The following COL6A5 variants were observed in gnomAD, a reference collection of about 807,000 sequenced individuals.
COL6A5 encodes the protein collagen type VI alpha 5 chain, also known as collagen alpha-5(VI) chain.
A neutral mutation model predicts 65.6 loss-of-function variants in COL6A5; 48 were observed. The observed-to-expected ratio is 0.73, with a 90% CI of 0.58 to 0.93. The LOEUF (loss-of-function observed/expected upper bound fraction) is 0.93, where lower values mean the gene tolerates loss of function less well. Ranked by LOEUF, COL6A5 falls within the 40% of genes least tolerant of loss-of-function variation. The pLI, the probability that COL6A5 is intolerant of heterozygous loss-of-function variation, is 0.00. For synonymous variants in COL6A5, 291 were observed against 322.8 expected (o/e 0.90, Z 1.05); for missense variants, 914 against 928.3 (o/e 0.98, Z 0.20).
intron 1 of COL6A5, among the ~76,000 whole-genome samples, chr3:130,348,094 A>G (rs1301986225): frequency 3.3e-5 from 5 of 152,178 alleles, no homozygotes; most frequent in African/African-American, 9.7e-5. Context: ...GCCATTCTCC[A>G]AGGAACCATT....
upstream of COL6A5, chr3:130,431,210 A>G: frequency 1.5e-6 from 1 of 681,914 alleles, no homozygotes; most frequent in Non-Finnish European, 2.7e-6. Context: ...CATTTTACAC[A>G]GCTGACTGAT....
At chr3:130,450,288 A>G (rs1709402480) in intron 4 of COL6A5, among the ~76,000 whole-genome samples, 2 of 152,048 alleles carry the variant, frequency 1.3e-5, no homozygotes, top group Non-Finnish European at 2.9e-5. Context: ...TCATACTTAG[A>G]GCGGCAAATA....
chr3:130,408,703 G>A (rs965659211), intron 17 of COL6A5, among the ~76,000 whole-genome samples: 6 of 151,988 alleles, frequency 3.9e-5, no homozygotes, highest in African/African-American at 1.5e-4. Flanking sequence ...GCCGACATGT[G>A]ATGTCACCCC....
At chr3:130,449,740 ATCTCCTTTGTTTAAAACGG>A (rs1709387229) in intron 4 of COL6A5, among the ~76,000 whole-genome samples, 1 of 152,138 alleles carries the variant, frequency 6.6e-6, no homozygotes. Context: ...CACGTGCCTT[ATCTCCTTTGTTTAAAACGG>A]TATTAGGTAG....
At chr3:130,369,389 C>CT (rs1935468724) in intron 1 of COL6A5, among the ~76,000 whole-genome samples, 1 of 152,178 alleles carries the variant, frequency 6.6e-6, no homozygotes, top group South Asian at 2.1e-4. Context: ...TACTTCCAAT[C>CT]TCATGGATTC....
chr3:130,380,547 T>C (rs1376830045), intron 4 of COL6A5, among the ~76,000 whole-genome samples: 1 of 152,186 alleles, frequency 6.6e-6, no homozygotes, highest in Non-Finnish European at 1.5e-5. Flanking sequence ...GTATCAGTGC[T>C]GTCCAACAGC....
intron 1 of COL6A5, 85 bp downstream of exon 1, chr3:130,346,066 C>G (rs977714492): frequency 2.5e-6 from 1 of 398,060 alleles, no homozygotes; most frequent in African/African-American, 2.1e-5. Flanking sequence ...GAAGGATTCT[C>G]CTTTCTGGTG....
rs923185497 is a variant in COL6A5, at chr3:130,393,076, T to TTG, written c.2992+1348_2992+1349dup. ...CTCTTCTGCTTACAGTGTTTTTTTT[T>TTG]TGTGTGTGTGTGTGTGTGTGTGTGT... On this transcript the variant is annotated intron_variant and NMD_transcript_variant, in intron 7 of 41. Coordinates refer to the COL6A5 transcript ENST00000312481. Among the ~76,000 whole-genome samples the TTG allele has an allele frequency of 1.5e-3, 142 of 92,274 alleles. 1 individual carries two copies. The highest frequency in any genetic ancestry group is 3.6e-3 in the African/African-American group (77 of 21,144). The allele number at this position is 92,274 out of a possible 152,430, so 60.5% of individuals were successfully genotyped here.
At chr3:130,390,007 A>G (rs764840796) in intron 6 of COL6A5, among the ~76,000 whole-genome samples, 22 of 152,196 alleles carry the variant, frequency 1.4e-4, no homozygotes, top group Non-Finnish European at 7.3e-5. Flanking sequence ...CAGAAACTTA[A>G]CATAATGTCT....
Position 130,362,314 on chromosome 3 carries a change from ATATATATATATATTTTTTT to A in COL6A5, c.-28-11295_-28-11277del, listed in dbSNP as rs1337275869. Among the ~76,000 whole-genome samples, 98 of 15,494 alleles carry A rather than the reference ATATATATATATATTTTTTT, an allele frequency of 6.3e-3. 3 individuals are homozygous for A. Among genetic ancestry groups the A allele is most frequent in the Middle Eastern group, 0.034 (2 of 58 alleles). The allele number at this position is 15,494 out of a possible 152,430, so 10.2% of individuals were successfully genotyped here. A position where few individuals can be genotyped will look rare whatever the true frequency, so the allele number is the denominator to read the frequency against. ...CATATATATATATATATATATATAT[ATATATATATATATTTTTTT>A]TTTTTTTTTTTTTTGCATGTGGATG... On this transcript the variant is annotated intron_variant and NMD_transcript_variant, in intron 1 of 41. Transcript: ENST00000312481.
intron 7 of COL6A5, among the ~76,000 whole-genome samples, chr3:130,480,435 A>G (rs1710208412): frequency 6.6e-6 from 1 of 152,138 alleles, no homozygotes; most frequent in Non-Finnish European, 1.5e-5. Flanking sequence ...TAAACTTATT[A>G]GAGTTAGAAT....
intron 1 of COL6A5, among the ~76,000 whole-genome samples, chr3:130,351,982 A>G (rs1254813279): frequency 6.6e-6 from 1 of 152,208 alleles, no homozygotes; most frequent in African/African-American, 2.4e-5. Context: ...CAGCCATAAA[A>G]AAGGATGAGT....
At chr3:130,358,873 G>A (rs1225387828) in intron 1 of COL6A5, among the ~76,000 whole-genome samples, 2 of 151,990 alleles carry the variant, frequency 1.3e-5, no homozygotes, top group Non-Finnish European at 2.9e-5. Flanking sequence ...GTGCAATGTT[G>A]TTTATTGCAA....
chr3:130,418,572 G>C (rs1937425168), intron 24 of COL6A5, among the ~76,000 whole-genome samples: 1 of 152,110 alleles, frequency 6.6e-6, no homozygotes, highest in Non-Finnish European at 1.5e-5. Context: ...TTGTTGGATA[G>C]GCAAATGCAT....
chr3:130,462,531 G>A (rs1709724902), intron 5 of COL6A5, among the ~76,000 whole-genome samples: 1 of 152,078 alleles, frequency 6.6e-6, no homozygotes, highest in Non-Finnish European at 1.5e-5. Flanking sequence ...GATATGCACA[G>A]CATGGTGCAA....
chr3:130,440,442 A>T (rs1201405490), exon 3 of COL6A5: 1 of 1,613,676 alleles, frequency 6.2e-7, no homozygotes, highest in Non-Finnish European at 8.5e-7. Context: ...TTCATCACTT[A>T]TGACAACCAA....
In COL6A5 at chr3:130,398,558, G is replaced by A. The variant is rs116311332; in HGVS notation, c.3991+447G>A. On this transcript the variant is annotated intron_variant and NMD_transcript_variant, in intron 10 of 41. Coordinates refer to the COL6A5 transcript ENST00000312481. ...GCTGTTGATACCTCATCTAATCCCC[G>A]TTGACCAGCCCTCACACTCCTCCCC... is the stretch of plus-strand genomic sequence containing the variant. Among the ~76,000 whole-genome samples the A allele has an allele frequency of 9.2e-3, 1,404 of 152,174 alleles. 20 individuals carry two copies. Among genetic ancestry groups the A allele is most frequent in the African/African-American group, 0.033 (1,349 of 41,494 alleles).
intron 4 of COL6A5, among the ~76,000 whole-genome samples, chr3:130,449,563 C>T (rs1709380921): frequency 6.6e-6 from 1 of 152,044 alleles, no homozygotes; most frequent in South Asian, 2.1e-4. Flanking sequence ...GATGTTTAAG[C>T]CAAGAGGAAG....
At chr3:130,443,235 A>G (rs973282958) in intron 3 of COL6A5, among the ~76,000 whole-genome samples, 1 of 152,148 alleles carries the variant, frequency 6.6e-6, no homozygotes, top group Non-Finnish European at 1.5e-5. Flanking sequence ...TAGCTCTTAG[A>G]TGAACAATTT....
Sources: allele counts gnomAD v4.1 joint callset (sites outside exome capture counted in the v4.1 genomes callset), GRCh38; gene constraint gnomAD v4.1.1; transcripts MANE v1.5; gene names NCBI Gene and HGNC (gene_info 2026-07-23, HGNC 2026-07-21).